Variants in ALPK3 observed in about 807,000 individuals in gnomAD.
ALPK3 encodes the protein alpha-protein kinase 3.
Under a neutral mutation model 140.0 loss-of-function variants are expected in ALPK3, and 102 were observed. The ratio of observed to expected loss-of-function variants is 0.73; its 90% CI spans 0.62 to 0.86. The LOEUF is 0.86. ALPK3 is among the 40% of genes least tolerant of loss of function. The probability of loss-of-function intolerance (pLI) is 0.00; values close to 1 mark genes in which losing one functional copy is unlikely to be tolerated. For synonymous variants in ALPK3, 938 were observed against 898.5 expected (o/e 1.04, Z -0.79); for missense variants, 2,254 against 2,208.2 (o/e 1.02, Z -0.42).
At chr15:84,822,614 G>T (rs1162785061) in intron 1 of ALPK3, among the ~76,000 whole-genome samples, 2 of 152,156 alleles carry the variant, frequency 1.3e-5, no homozygotes, top group African/African-American at 4.8e-5. Flanking sequence ...TTGGCTCATA[G>T]TAAGTGGGCT....
chr15:84,854,785 G>A (rs557079740), intron 5 of ALPK3, among the ~76,000 whole-genome samples: 2 of 152,148 alleles, frequency 1.3e-5, no homozygotes, highest in South Asian at 2.1e-4. Context: ...TTTCTGTATC[G>A]TCAGGGCATA....
At chr15:84,867,220 C>T (rs947405021) in intron 12 of ALPK3, 97 bp from the exon 13 acceptor site, 25 of 1,269,768 alleles carry the variant, frequency 2.0e-5, no homozygotes, top group Non-Finnish European at 1.7e-5. Flanking sequence ...CAGGAAGAGA[C>T]ATGGTTCTAA....
Position 84,856,787 on chromosome 15 carries a change from C to G in ALPK3, c.2049C>G (p.Asp683Glu). 1 of 1,614,020 alleles carries G rather than the reference C, an allele frequency of 6.2e-7. No individual in the cohort carries two copies. Among genetic ancestry groups the G allele is most frequent in the Non-Finnish European group, 8.5e-7 (1 of 1,180,014 alleles). Residue 683 changes from aspartate (D) to glutamate (E), a missense_variant, in exon 6 of 14, where the codon GAC becomes GAG. By Grantham distance (45) the Asp-to-Glu change is conservative. Coordinates refer to ENST00000258888, the MANE Select transcript of ALPK3 (RefSeq NM_020778.5). The part of the protein sequence containing the change: ...TTQAGEKIQE[D>E]RKAQADKGTQ... ...AGGCAGGTGAGAAGATACAGGAAGA[C>G]AGGAAGGCCCAGGCAGATAAGGGCA... is the stretch of plus-strand genomic sequence containing the variant.
intron 5 of ALPK3, among the ~76,000 whole-genome samples, chr15:84,845,231 C>A (rs969305743): frequency 6.6e-6 from 1 of 152,048 alleles, no homozygotes; most frequent in African/African-American, 2.4e-5. Context: ...TCCAGAAGCC[C>A]TCTAGATCAG....
At chr15:84,863,076 C>T (rs750976711) in intron 10 of ALPK3, among the ~76,000 whole-genome samples, 161 bp downstream of exon 10, 19 of 152,072 alleles carry the variant, frequency 1.2e-4, no homozygotes, top group Non-Finnish European at 2.1e-4. Flanking sequence ...GAGATGCAGC[C>T]CAGAATTCAG....
Position 84,864,654 on chromosome 15 carries a change from C to T in ALPK3, c.4712C>T (p.Thr1571Ile). 2 of 1,614,030 alleles carry T rather than the reference C, an allele frequency of 1.2e-6. No individual in the cohort carries two copies. Among genetic ancestry groups the T allele is most frequent in the Non-Finnish European group, 1.7e-6 (2 of 1,179,880 alleles). Residue 1571 changes from threonine to isoleucine, a missense_variant, in exon 12 of 14, where the codon ACA becomes ATA. Around this residue, in one of 3 missense-constraint regions of ALPK3, gnomAD observed 8 missense variants for 25.5 expected, o/e 0.31. Transcript: ENST00000258888. ...YQWTNGSFLV[T>I]DLAGVDWKMT... ...TGGACAAATGGCAGCTTCCTTGTCA[C>T]AGACTTGGCAGGTACGAGGGTGTGA...
chr15:84,837,663 T>C (rs543447472), intron 3 of ALPK3, among the ~76,000 whole-genome samples: 1 of 152,318 alleles, frequency 6.6e-6, no homozygotes, highest in African/African-American at 2.4e-5. Flanking sequence ...TGAAGCAGGA[T>C]TCATTGGTAA....
intron 5 of ALPK3, among the ~76,000 whole-genome samples, chr15:84,844,851 C>G (rs941065460): frequency 6.6e-6 from 1 of 150,674 alleles, no homozygotes; most frequent in Non-Finnish European, 1.5e-5. Context: ...AGCGAGACTC[C>G]GTCTCAAAAA....
rs1020060057 is a variant in ALPK3 at position 84,872,634 on chromosome 15, C to G, written c.*4178C>G. On this transcript the variant is annotated 3_prime_UTR_variant, in exon 14 of 14. Transcript: ENST00000258888. ...GAAACATTCTGACCTCAAACAGATC[C>G]CTCAACCCCAGAACTTTATAGAAGG... is the stretch of plus-strand genomic sequence containing the variant. 2 of 152,314 alleles carry G rather than the reference C, an allele frequency of 1.3e-5. No individual in the cohort carries two copies. Among genetic ancestry groups the G allele is most frequent in the East Asian group, 3.9e-4 (2 of 5,180 alleles). The allele number at this position is 152,314 out of a possible 1,614,324, so 9.4% of individuals were successfully genotyped here.
intron 4 of ALPK3, 48 bp from the exon 5 acceptor site, chr15:84,839,654 C>T (rs757539494): frequency 1.3e-6 from 2 of 1,539,646 alleles, no homozygotes; most frequent in Non-Finnish European, 1.7e-6. Flanking sequence ...TGTGGGGGCT[C>T]TCACCTCCCA....
chr15:84,827,704 C>T (rs1963504893), intron 3 of ALPK3, 99 bp downstream of exon 3: 1 of 1,488,162 alleles, frequency 6.7e-7, no homozygotes, highest in Admixed American at 1.9e-5. Context: ...GGGCTGTGTG[C>T]ACAAAACTAC....
intron 1 of ALPK3, among the ~76,000 whole-genome samples, chr15:84,820,919 C>A (rs966246276): frequency 6.6e-6 from 1 of 152,240 alleles, no homozygotes; most frequent in African/African-American, 2.4e-5. Flanking sequence ...CCACTGTGCT[C>A]AGTCCTAACT....
intron 3 of ALPK3, among the ~76,000 whole-genome samples, chr15:84,830,692 T>G (rs1043595628): frequency 1.3e-5 from 2 of 152,188 alleles, no homozygotes; most frequent in African/African-American, 4.8e-5. Flanking sequence ...TTTGTTTGTT[T>G]GTTGGTTTGG....
At chr15:84,831,773 G>A (rs1396574467) in intron 3 of ALPK3, among the ~76,000 whole-genome samples, 1 of 152,198 alleles carries the variant, frequency 6.6e-6, no homozygotes, top group African/African-American at 2.4e-5. Context: ...TCTGAGCAAG[G>A]AGGAGGGGCC....
chr15:84,818,767 G>C (rs1963390324), intron 1 of ALPK3, among the ~76,000 whole-genome samples: 1 of 152,196 alleles, frequency 6.6e-6, no homozygotes, highest in South Asian at 2.1e-4. Flanking sequence ...TCTGGGGCAG[G>C]GCTGAGGACT....
intron 13 of ALPK3, 49 bp from the exon 14 acceptor site, chr15:84,868,062 C>G: frequency 2.6e-6 from 4 of 1,556,168 alleles, no homozygotes; most frequent in Non-Finnish European, 3.5e-6. Flanking sequence ...CCCCAAGGAA[C>G]TGTGTCTCTG....
rs1567089475 is a variant in ALPK3, at chr15:84,839,881, A to G, written c.602A>G (p.Lys201Arg). The G allele has an allele frequency of 6.2e-7, 1 of 1,614,014 alleles. No homozygotes were observed. Among genetic ancestry groups the G allele is most frequent in the East Asian group, 2.2e-5 (1 of 44,866 alleles). Residue 201 changes from lysine (K) to arginine (R), a missense_variant, in exon 5 of 14, where the codon AAG becomes AGG. By Grantham distance (26) the Lys-to-Arg change is conservative. Coordinates refer to ENST00000258888, the MANE Select transcript of ALPK3 (RefSeq NM_020778.5). The stretch of plus-strand genomic sequence containing the variant: ...CTGCGCGAGATCGAGCAGAGCTGGA[A>G]GCACGAGAAGGCGGTGCCTGGGGAG... ...AKLREIEQSWKHEKAVPGEVD... is the reference protein window; with the variant it reads ...AKLREIEQSWRHEKAVPGEVD...
intron 5 of ALPK3, among the ~76,000 whole-genome samples, chr15:84,842,725 A>G (rs1221204669): frequency 6.6e-6 from 1 of 152,216 alleles, no homozygotes; most frequent in African/African-American, 2.4e-5. Flanking sequence ...ACAGTAGTTC[A>G]GAGGGCTTTG....
Position 84,862,748 on chromosome 15 carries a change from G to A in ALPK3, c.4243G>A (p.Gly1415Arg), listed in dbSNP as rs201656082. The A allele has an allele frequency of 1.2e-6, 2 of 1,614,196 alleles. No homozygotes were observed. Among genetic ancestry groups the A allele is most frequent in the East Asian group, 2.2e-5 (1 of 44,858 alleles). ...RLVSEELRGG[G>R]YGCGLRKASQ... is the part of the protein sequence containing the mutation. ...GGTAAGCGAGGAGCTCCGAGGGGGT[G>A]GATATGGGTGTGGCCTTCGGAAGGC... The change falls in exon 10 of 14, where the codon GGA (glycine) becomes AGA (arginine). Residue 1415 changes from glycine (G) to arginine (R), a missense_variant. Physicochemically the swap from Gly to Arg is moderately radical, Grantham distance 125. Transcript: ENST00000258888.
Sources: allele counts gnomAD v4.1 joint callset (sites outside exome capture counted in the v4.1 genomes callset), GRCh38; gene constraint gnomAD v4.1.1; regional missense constraint gnomAD v4.1.1; transcripts MANE v1.5; gene names NCBI Gene and HGNC (gene_info 2026-07-23, HGNC 2026-07-21).